ERICH6: variants seen among roughly 807,000 people sequenced by gnomAD.
ERICH6 encodes glutamate-rich protein 6.
ERICH6 carries 71 observed loss-of-function variants against 71.0 expected under a neutral mutation model. The ratio of observed to expected loss-of-function variants is 1.00; its 90% CI spans 0.83 to 1.22. ERICH6 has a LOEUF of 1.22. Among genes scored for constraint, ERICH6 ranks in the 50% most tolerant of loss-of-function variants. The pLI is 0.00. For missense variants in ERICH6, 808 were observed against 797.2 expected, an observed-to-expected ratio of 1.01 and a Z score of -0.16; for synonymous variants, 262 against 278.4, an observed-to-expected ratio of 0.94 and a Z score of 0.59.
intron 2 of ERICH6, 137 bp downstream of exon 2, chr3:150,701,984 G>T: frequency 1.7e-6 from 1 of 602,356 alleles, no homozygotes; most frequent in Non-Finnish European, 3.0e-6. Flanking sequence ...GTCTACCAGT[G>T]TATATTTAAA....
intron 12 of ERICH6, among the ~76,000 whole-genome samples, chr3:150,668,504 T>C (rs940275007): frequency 6.6e-6 from 1 of 152,148 alleles, no homozygotes; most frequent in Non-Finnish European, 1.5e-5. Flanking sequence ...GAAAGATAAG[T>C]AGAAAGTTTC....
chr3:150,699,440 T>C (rs539656942), intron 2 of ERICH6, among the ~76,000 whole-genome samples: 3 of 152,300 alleles, frequency 2.0e-5, no homozygotes, highest in South Asian at 4.1e-4. Flanking sequence ...GACTCTAACA[T>C]GCCCCACCCA....
chr3:150,700,728 C>T (rs1712840500), intron 2 of ERICH6, among the ~76,000 whole-genome samples: 1 of 152,054 alleles, frequency 6.6e-6, no homozygotes, highest in Non-Finnish European at 1.5e-5. Context: ...GGAATACAGG[C>T]ACACGCCACC....
intron 1 of ERICH6, among the ~76,000 whole-genome samples, chr3:150,702,460 T>C (rs1002853491): frequency 1.3e-5 from 2 of 152,130 alleles, no homozygotes; most frequent in African/African-American, 2.4e-5. Flanking sequence ...GTATTTTTAG[T>C]AGAGACGGGG....
chr3:150,673,129 TCTTCCTTCCTTCCTTC>T (rs141335993), intron 11 of ERICH6, among the ~76,000 whole-genome samples: 1 of 149,062 alleles, frequency 6.7e-6, no homozygotes, highest in South Asian at 2.2e-4. Flanking sequence ...CTTCCTTCCT[TCTTCCTTCCTTCCTTC>T]CTTCCTCCCT....
chr3:150,689,251 T>C (rs1168508913), intron 3 of ERICH6, among the ~76,000 whole-genome samples: 1 of 152,210 alleles, frequency 6.6e-6, no homozygotes, highest in Non-Finnish European at 1.5e-5. Context: ...TTTTCCTGCT[T>C]CCATGACAAT....
At chr3:150,668,484 G>A (rs987025473) in intron 12 of ERICH6, among the ~76,000 whole-genome samples, 1 of 152,160 alleles carries the variant, frequency 6.6e-6, no homozygotes, top group African/African-American at 2.4e-5. Context: ...TAGAATTGCT[G>A]TAGAATCCTG....
intron 6 of ERICH6, 131 bp from the exon 7 acceptor site, chr3:150,682,447 T>A: frequency 1.6e-6 from 1 of 640,880 alleles, no homozygotes; most frequent in South Asian, 1.9e-5. Context: ...TGCCAGTAAG[T>A]GATATCACTT....
Position 150,666,851 on chromosome 3 carries a change from T to C in ERICH6, c.1664A>G (p.Lys555Arg), listed in dbSNP as rs760076837. 3.1e-6 allele frequency: 5 copies of C among 1,614,162 alleles called. No homozygotes were observed. In the South Asian group the frequency reaches 5.5e-5, roughly 18 times the overall value. The change falls in exon 13 of 14, where the codon AAG becomes AGG. Residue 555 changes from lysine (K) to arginine (R), a missense_variant. Lys to Arg is a conservative substitution (Grantham distance 26, BLOSUM62 2). Around this residue, in one of 3 missense-constraint regions of ERICH6, gnomAD observed 736 missense variants for 712.2 expected, o/e 1.03. Coordinates refer to ENST00000295910, the MANE Select transcript of ERICH6 (RefSeq NM_152394.5). Reference sequence around the variant, plus strand: ...CATTGCTAGAAAAGTTATAGAAATCTTGTCTTGTTCTAAGATGCGGACTCC... The same window carrying C: ...CATTGCTAGAAAAGTTATAGAAATCCTGTCTTGTTCTAAGATGCGGACTCC... ...YIGVRILEQD[K>R]ISITFLAMGQ... is the part of the protein sequence containing the mutation.
chr3:150,680,503 A>G lies in ERICH6; in HGVS notation c.1076T>C (p.Ile359Thr), dbSNP rs1037222999. ...QEQRMARHFA[I>T]ISREQTHFSE... is the part of the protein sequence containing the mutation. ...GAAATGAGTCTGTTCCCTTGATATT[A>G]TTGCAAAATGTCTGGCCATTCGTTG... Residue 359 changes from isoleucine (I) to threonine (T), a missense_variant, in exon 9 of 14, where the codon ATA becomes ACA. By Grantham distance (89) the Ile-to-Thr change is moderately conservative. This residue lies in a region of ERICH6 where 736 missense variants were observed against 712.2 expected (regional missense o/e 1.03). Transcript: ENST00000295910. 31 of 1,614,094 alleles carry G rather than the reference A, an allele frequency of 1.9e-5. No homozygotes were observed. The highest frequency in any genetic ancestry group is 4.4e-5 in the South Asian group (4 of 91,088).
chr3:150,703,404 C>A, intron 1 of ERICH6, 92 bp downstream of exon 1: 1 of 1,450,224 alleles, frequency 6.9e-7, no homozygotes, highest in Admixed American at 2.8e-5. Flanking sequence ...GCACGACGCG[C>A]AGGTCGACGA....
chr3:150,680,335 T>C, intron 9 of ERICH6, 133 bp downstream of exon 9: 2 of 880,486 alleles, frequency 2.3e-6, no homozygotes, highest in Non-Finnish European at 1.8e-6. Flanking sequence ...CCCAAAGTGT[T>C]GGGATTACAG....
intron 11 of ERICH6, among the ~76,000 whole-genome samples, chr3:150,673,378 G>A (rs1309682339): frequency 6.6e-6 from 1 of 151,844 alleles, no homozygotes; most frequent in Non-Finnish European, 1.5e-5. Context: ...TTGTAGAGAT[G>A]AGCTCTCACT....
intron 2 of ERICH6, among the ~76,000 whole-genome samples, chr3:150,701,719 A>C (rs549757103): frequency 6.6e-6 from 1 of 152,346 alleles, no homozygotes; most frequent in South Asian, 2.1e-4. Context: ...CCTGAAGGCT[A>C]ATAGCAATAA....
intron 3 of ERICH6, among the ~76,000 whole-genome samples, chr3:150,696,287 A>G (rs1380238645): frequency 1.3e-5 from 2 of 152,176 alleles, no homozygotes; most frequent in Non-Finnish European, 2.9e-5. Context: ...GCCATTCACA[A>G]AAATAAAGTC....
intron 3 of ERICH6, among the ~76,000 whole-genome samples, chr3:150,697,833 T>A (rs1470417488): frequency 6.6e-6 from 1 of 152,160 alleles, no homozygotes; most frequent in Non-Finnish European, 1.5e-5. Context: ...CCCACCTCAC[T>A]CCCAGTGAGA....
intron 1 of ERICH6, among the ~76,000 whole-genome samples, chr3:150,702,822 T>G (rs1470672504): frequency 2.3e-5 from 1 of 44,248 alleles, no homozygotes; most frequent in African/African-American, 9.7e-5. Flanking sequence ...AAGAGAGTTG[T>G]TTTTTTTTTT....
chr3:150,684,173 G>A (rs113533096), intron 6 of ERICH6, among the ~76,000 whole-genome samples: 3,295 of 152,248 alleles, frequency 0.022, 38 homozygotes, highest in Middle Eastern at 0.041. Flanking sequence ...TATTGCTTGA[G>A]CCCAGGAGTT....
At chr3:150,675,711 T>C (rs1711624132) in intron 10 of ERICH6, among the ~76,000 whole-genome samples, 1 of 152,084 alleles carries the variant, frequency 6.6e-6, no homozygotes, top group African/African-American at 2.4e-5. Flanking sequence ...GCCATTGTTT[T>C]TTTTTTTTAC....
Sources: allele counts gnomAD v4.1 joint callset (sites outside exome capture counted in the v4.1 genomes callset), GRCh38; gene constraint gnomAD v4.1.1; regional missense constraint gnomAD v4.1.1; transcripts MANE v1.5; gene names NCBI Gene and HGNC (gene_info 2026-07-23, HGNC 2026-07-21).